ATP1B1: variants seen among roughly 807,000 people sequenced by gnomAD.
ATP1B1 encodes sodium/potassium-transporting ATPase subunit beta-1.
In ATP1B1, 3 loss-of-function variants were observed where a neutral mutation model predicts 39.6. The ratio of observed to expected loss-of-function variants is 0.08; its 90% CI spans 0.03 to 0.20. ATP1B1 has a LOEUF of 0.20. ATP1B1 is among the 10% of genes least tolerant of loss of function. The pLI, the probability that ATP1B1 is intolerant of heterozygous loss-of-function variation, is 1.00. For synonymous variants in ATP1B1, 139 were observed against 135.0 expected (o/e 1.03, Z -0.20); for missense variants, 216 against 371.1 (o/e 0.58, Z 3.43).
At chr1:169,120,170 G>A (rs1257775566) in intron 2 of ATP1B1, among the ~76,000 whole-genome samples, 1 of 152,158 alleles carries the variant, frequency 6.6e-6, no homozygotes, top group Non-Finnish European at 1.5e-5. Flanking sequence ...AGACCTTGTG[G>A]AAATGTGAGG....
At chr1:169,110,586 T>TTTTTTTTTTTTA in intron 1 of ATP1B1, 1 of 898,572 alleles carries the variant, frequency 1.1e-6, no homozygotes, top group Non-Finnish European at 1.4e-6. Flanking sequence ...TTTTTTTTTT[T>TTTTTTTTTTTTA]GCTTTTGCAG....
At position 169,131,278 on chromosome 1, in the gene ATP1B1, A is replaced by AT; in HGVS notation, c.649-12dup. 6.2e-7 allele frequency: 1 copy of AT among 1,610,848 alleles called. No individual in the cohort carries two copies. Among genetic ancestry groups the AT allele is most frequent in the South Asian group, 1.1e-5 (1 of 90,714 alleles). On this transcript the variant is annotated splice_polypyrimidine_tract_variant and intron_variant, in intron 5 of 5. Coordinates refer to ENST00000367815, the MANE Select transcript of ATP1B1 (RefSeq NM_001677.4). This position sits in a 1 kb window ranked among gnomAD's most constrained non-coding sequence, Gnocchi z 4.4. ...ATGTGAGCCATTAAAATTTCATTTC[A>AT]TTCTGGATTTCAGCGAGATGAAGAT...
chr1:169,111,048 GA>G (rs1331474449), intron 1 of ATP1B1, among the ~76,000 whole-genome samples: 10 of 152,142 alleles, frequency 6.6e-5, no homozygotes, highest in Non-Finnish European at 5.9e-5. Flanking sequence ...TGATCTTCAT[GA>G]TTTTTTTTAT....
intron 3 of ATP1B1, among the ~76,000 whole-genome samples, 170 bp downstream of exon 3, chr1:169,125,209 A>AAAC (rs1210119665): frequency 6.6e-6 from 1 of 152,212 alleles, no homozygotes; most frequent in African/African-American, 2.4e-5. Flanking sequence ...ACACAATGAA[A>AAAC]AACAGTACAG....
chr1:169,110,568 T>TC, intron 1 of ATP1B1: 1 of 72,368 alleles, frequency 1.4e-5, no homozygotes. Context: ...GTGTTGAGTC[T>TC]TTTTTTTTTT....
chr1:169,118,264 G>T (rs1052780122), intron 2 of ATP1B1, among the ~76,000 whole-genome samples: 10 of 152,208 alleles, frequency 6.6e-5, no homozygotes, highest in African/African-American at 2.4e-4. Flanking sequence ...TAGACAGGAG[G>T]AATGATTTCT....
chr1:169,130,901 T>C (rs1163834272), intron 5 of ATP1B1, among the ~76,000 whole-genome samples: 2 of 151,420 alleles, frequency 1.3e-5, no homozygotes, highest in Non-Finnish European at 2.9e-5. Flanking sequence ...GAAAGGGAGT[T>C]CCCAGACAGT....
chr1:169,111,587 C>T (rs1657732427), intron 2 of ATP1B1, 89 bp downstream of exon 2: 10 of 1,523,062 alleles, frequency 6.6e-6, no homozygotes, highest in Non-Finnish European at 8.9e-6. Context: ...GAAAATTACT[C>T]TATAATGTAG....
Position 169,131,344 on chromosome 1 carries a change from A to G in ATP1B1, c.701A>G (p.Asn234Ser), listed in dbSNP as rs769392006. ...AATGTGGAGTATTTTGGACTGGGCAACTCCCCTGGTTTTCCTCTGCAGTAT... is the reference window on the plus strand; with the variant it reads ...AATGTGGAGTATTTTGGACTGGGCAGCTCCCCTGGTTTTCCTCTGCAGTAT... Reference protein sequence around the residue: ...VGNVEYFGLGNSPGFPLQYYP... With the variant: ...VGNVEYFGLGSSPGFPLQYYP... The change falls in exon 6 of 6, where the codon AAC (asparagine) becomes AGC (serine). Residue 234 changes from asparagine to serine, a missense_variant. Coordinates refer to ENST00000367815, the MANE Select transcript of ATP1B1 (RefSeq NM_001677.4). This position sits in a 1 kb window ranked among gnomAD's most constrained non-coding sequence, Gnocchi z 4.4. The G allele has an allele frequency of 1.1e-5, 18 of 1,613,772 alleles. No homozygotes were observed. In the East Asian group the frequency reaches 1.3e-4, roughly 12 times the overall value.
Position 169,131,406 on chromosome 1 carries a change from C to G in ATP1B1, c.763C>G (p.Leu255Val), listed in dbSNP as rs746330517. The G allele has an allele frequency of 3.7e-6, 6 of 1,614,196 alleles. No homozygotes were observed. In the Admixed American group the frequency reaches 8.3e-5, roughly 22 times the overall value. ...TGGCAAACTCCTGCAGCCCAAATAC[C>G]TGCAGCCCCTGCTGGCCGTACAGTT... is the stretch of plus-strand genomic sequence containing the variant. ...YYGKLLQPKY[L>V]QPLLAVQFTN... The change falls in exon 6 of 6, where the codon CTG (leucine) becomes GTG (valine). Residue 255 changes from leucine (L) to valine (V), a missense_variant. Physicochemically the swap from Leu to Val is conservative, Grantham distance 32. Coordinates refer to ENST00000367815, the MANE Select transcript of ATP1B1 (RefSeq NM_001677.4). The surrounding 1 kb of genome is among the most constrained non-coding windows in gnomAD (Gnocchi z 4.4).
chr1:169,112,109 A>G (rs1268263819), intron 2 of ATP1B1, among the ~76,000 whole-genome samples: 1 of 152,190 alleles, frequency 6.6e-6, no homozygotes, highest in Non-Finnish European at 1.5e-5. Flanking sequence ...ATACCCATTG[A>G]TTTAATAAGC....
At chr1:169,124,002 AT>A (rs933323109) in intron 2 of ATP1B1, among the ~76,000 whole-genome samples, 5 of 152,218 alleles carry the variant, frequency 3.3e-5, no homozygotes, top group African/African-American at 1.2e-4. Context: ...TTTTAAAAAA[AT>A]GTTCTTTGCT....
intron 4 of ATP1B1, 67 bp from the exon 5 acceptor site, chr1:169,129,943 A>C (rs1477029454): frequency 2.0e-6 from 3 of 1,479,284 alleles, no homozygotes; most frequent in Non-Finnish European, 2.8e-6. Flanking sequence ...ACTACGGAGT[A>C]GTTTTATTTT....
intron 2 of ATP1B1, among the ~76,000 whole-genome samples, chr1:169,116,774 C>T (rs1318342500): frequency 6.6e-6 from 1 of 151,928 alleles, no homozygotes; most frequent in Non-Finnish European, 1.5e-5. Flanking sequence ...TCACTTGAAC[C>T]CGGAAGGCAG....
At chr1:169,122,149 G>C (rs1331752883) in intron 2 of ATP1B1, among the ~76,000 whole-genome samples, 2 of 152,106 alleles carry the variant, frequency 1.3e-5, no homozygotes, top group Admixed American at 1.3e-4. Flanking sequence ...ACAGGCATTT[G>C]TCTCTCTCTC....
Position 169,131,595 on chromosome 1 carries a change from TA to T in ATP1B1, c.*47del, listed in dbSNP as rs376402959. ...CTTTCCCACTAGCCATTTAATAAGT[TA>T]AAAAAAGATACAAAAACAAAAACCT... On this transcript the variant is annotated 3_prime_UTR_variant, in exon 6 of 6. Coordinates refer to ENST00000367815, the MANE Select transcript of ATP1B1 (RefSeq NM_001677.4). The surrounding 1 kb of genome is among the most constrained non-coding windows in gnomAD (Gnocchi z 4.4). 3 of 1,566,966 alleles carry T rather than the reference TA, an allele frequency of 1.9e-6. No homozygotes were observed. The highest frequency in any genetic ancestry group is 2.0e-5 in the Admixed American group (1 of 50,236).
chr1:169,110,811 A>T (rs1657713970), intron 1 of ATP1B1: 1 of 602,952 alleles, frequency 1.7e-6, no homozygotes. Flanking sequence ...GAGTGATAGT[A>T]AAAAAAACAG....
chr1:169,131,605 TACAAAA>T lies in ATP1B1; in HGVS notation c.*59_*64del, dbSNP rs757120674. 119 of 1,559,592 alleles carry T rather than the reference TACAAAA, an allele frequency of 7.6e-5. No individual in the cohort carries two copies. The highest frequency in any genetic ancestry group is 7.4e-4 in the African/African-American group (54 of 72,546). On this transcript the variant is annotated 3_prime_UTR_variant, in exon 6 of 6. Transcript: ENST00000367815. The surrounding 1 kb of genome is among the most constrained non-coding windows in gnomAD (Gnocchi z 4.4). ...AGCCATTTAATAAGTTAAAAAAAGA[TACAAAA>T]ACAAAAACCTACTAGTCTTGAACAA...
At chr1:169,126,068 C>T (rs1658078810) in intron 3 of ATP1B1, among the ~76,000 whole-genome samples, 1 of 152,204 alleles carries the variant, frequency 6.6e-6, no homozygotes, top group Non-Finnish European at 1.5e-5. Flanking sequence ...CATTTACCAA[C>T]TCCAGTTCTT....
Sources: gnomAD v4.1 joint callset for allele counts (sites outside exome capture counted in the v4.1 genomes callset) on GRCh38, gnomAD v4.1.1 for gene constraint, Gnocchi (gnomAD v3.1) non-coding constraint, MANE v1.5 for transcripts, NCBI Gene and HGNC (gene_info 2026-07-23, HGNC 2026-07-21) for gene names.